The following MED9 variants were observed in gnomAD, a reference collection of about 807,000 sequenced individuals.
MED9 encodes mediator of RNA polymerase II transcription subunit 9.
A neutral mutation model predicts 13.2 loss-of-function variants in MED9; 8 were observed. The observed-to-expected ratio is 0.61, with a 90% CI of 0.36 to 1.10. The LOEUF is 1.10. Among genes scored for constraint, MED9 ranks in the 50% least tolerant of loss-of-function variants. MED9 has a pLI of 0.02. For missense variants in MED9, 180 were observed against 193.4 expected, an observed-to-expected ratio of 0.93 and a Z score of 0.41; for synonymous variants, 87 against 82.8, an observed-to-expected ratio of 1.05 and a Z score of -0.28.
In MED9 at chr17:17,483,596, C is replaced by T. The variant is rs893979404; in HGVS notation, c.224+6331C>T. 3.9e-5 allele frequency among the ~76,000 whole-genome samples: 6 copies of T among 152,202 alleles called. No homozygotes were observed. Among genetic ancestry groups the T allele is most frequent in the African/African-American group, 9.7e-5 (4 of 41,446 alleles). ...CTTTCATCTCTTCTAGTGTCTTTCC[C>T]GCAGTTGAATGAAAAATTAAACTAC... is the stretch of plus-strand genomic sequence containing the variant. On this transcript the variant is annotated intron_variant, in intron 1 of 1. Transcript: ENST00000268711. The surrounding 1 kb of genome is among the most constrained non-coding windows in gnomAD (Gnocchi z 4.2).
In MED9 at chr17:17,492,520, A is replaced by G. The variant is rs1905257880; in HGVS notation, c.*1025A>G. On this transcript the variant is annotated 3_prime_UTR_variant, in exon 2 of 2. Transcript: ENST00000268711. ...CATAAGCTAGGTCTGAAAGTTACACAGCCAAGTTTGAGCTCTTAAAAGTTG... is the reference window on the plus strand; with the variant it reads ...CATAAGCTAGGTCTGAAAGTTACACGGCCAAGTTTGAGCTCTTAAAAGTTG... The G allele has an allele frequency of 6.6e-6, 1 of 152,400 alleles. No individual in the cohort carries two copies. Among genetic ancestry groups the G allele is most frequent in the Admixed American group, 6.5e-5 (1 of 15,310 alleles). 9.4% of individuals were successfully genotyped at this position (152,400 alleles called of 1,614,324 possible). A position where few individuals can be genotyped will look rare whatever the true frequency, so the allele number is the denominator to read the frequency against.
Position 17,480,238 on chromosome 17 carries a change from AAG to A in MED9, c.224+2979_224+2980del, listed in dbSNP as rs1281295964. The stretch of plus-strand genomic sequence containing the variant: ...GGATTAAGAGAAAGTTCACAGTCTG[AAG>A]AGAGACACCACCCGAGCCTTCCCCC... On this transcript the variant is annotated intron_variant, in intron 1 of 1. Coordinates refer to ENST00000268711, the MANE Select transcript of MED9 (RefSeq NM_018019.3). Among the ~76,000 whole-genome samples the A allele has an allele frequency of 3.9e-5, 6 of 152,126 alleles. No individual in the cohort carries two copies. In the East Asian group the frequency reaches 1.2e-3, roughly 29 times the overall value.
At chr17:17,490,919 C>A (rs1655557408) in intron 1 of MED9, among the ~76,000 whole-genome samples, 1 of 152,228 alleles carries the variant, frequency 6.6e-6, no homozygotes, top group South Asian at 2.1e-4. Flanking sequence ...AGCATTCATT[C>A]TTTCCACGGA....
chr17:17,485,244 C>T (rs1004448483), intron 1 of MED9: 2 of 397,132 alleles, frequency 5.0e-6, no homozygotes, highest in African/African-American at 2.1e-5. Flanking sequence ...TCTACAGGCA[C>T]ACGCCACCAC....
rs551747279 is a variant in MED9, at chr17:17,485,388, G to A, written c.225-5891G>A. 1.9e-4 allele frequency: 76 copies of A among 398,474 alleles called. No homozygotes were observed. The Middle Eastern group carries it at 2.5e-3, about 13-fold the overall frequency. 24.7% of individuals were successfully genotyped at this position (398,474 alleles called of 1,614,324 possible). The stretch of plus-strand genomic sequence containing the variant: ...GCGTGAGCCACCGGCCGCCATCTGG[G>A]ATTTTTAAGCAGCATAGTGACCTGC... On this transcript the variant is annotated intron_variant, in intron 1 of 1. Transcript: ENST00000268711.
intron 1 of MED9, among the ~76,000 whole-genome samples, chr17:17,480,228 TCA>T (rs760129231): frequency 2.0e-5 from 3 of 151,926 alleles, no homozygotes; most frequent in Admixed American, 2.0e-4. Flanking sequence ...AAGAGAAAGT[TCA>T]CAGTCTGAAG....
chr17:17,485,619 T>C, intron 1 of MED9: 1 of 317,540 alleles, frequency 3.1e-6, no homozygotes, highest in Non-Finnish European at 5.7e-6. Context: ...GACTGCACCC[T>C]CCCCCCGTCC....
chr17:17,481,919 C>G (rs1289622283), intron 1 of MED9, among the ~76,000 whole-genome samples: 1 of 152,148 alleles, frequency 6.6e-6, no homozygotes, highest in Non-Finnish European at 1.5e-5. Context: ...TCCTTGTAGA[C>G]TAGACTGCTT....
chr17:17,477,370 C>A, intron 1 of MED9, 105 bp downstream of exon 1: 2 of 1,273,318 alleles, frequency 1.6e-6, no homozygotes, highest in Non-Finnish European at 1.1e-6. Flanking sequence ...GCCCCCGTTT[C>A]ACAGATGGGG....
rs1459005690 is a variant in MED9 at position 17,492,438 on chromosome 17, A to T, written c.*943A>T. The T allele has an allele frequency of 6.6e-6, 1 of 151,810 alleles. No homozygotes were observed. Among genetic ancestry groups the T allele is most frequent in the African/African-American group, 2.4e-5 (1 of 41,042 alleles). 9.4% of individuals were successfully genotyped at this position (151,810 alleles called of 1,614,324 possible). A position where few individuals can be genotyped will look rare whatever the true frequency, so the allele number is the denominator to read the frequency against. On this transcript the variant is annotated 3_prime_UTR_variant, in exon 2 of 2. Transcript: ENST00000268711. ...GTACTACACTGCAGAAGGGTTCAGT[A>T]TGCACCTTGTGTTGAGAGAGAGGCA...
chr17:17,485,595 G>C, intron 1 of MED9: 1 of 354,616 alleles, frequency 2.8e-6, no homozygotes. Flanking sequence ...GTGGCCAGTA[G>C]AGTGTGTAGG....
Position 17,491,354 on chromosome 17 carries a change from C to A in MED9, c.300C>A (p.Leu100=). The part of the protein sequence containing the change: ...LKSKFQEMRK[L]ISTMPGIHLS... ...GCAAGTTCCAGGAGATGCGCAAGCT[C>A]ATCAGCACCATGCCCGGCATCCACC... The change falls in exon 2 of 2, where the codon CTC becomes CTA. Residue 100 remains leucine (L), a synonymous_variant. Coordinates refer to ENST00000268711, the MANE Select transcript of MED9 (RefSeq NM_018019.3). 1.9e-6 allele frequency: 3 copies of A among 1,614,046 alleles called. No homozygotes were observed. Among genetic ancestry groups the A allele is most frequent in the Non-Finnish European group, 2.5e-6 (3 of 1,180,038 alleles).
At chr17:17,490,118 CTCA>C in intron 1 of MED9, among the ~76,000 whole-genome samples, 1 of 152,238 alleles carries the variant, frequency 6.6e-6, no homozygotes, top group Admixed American at 6.5e-5. Context: ...TTTTCAAAAG[CTCA>C]TCCACTTACT....
rs1459005690 is a variant in MED9 at position 17,492,438 on chromosome 17, A to G, written c.*943A>G. 6.6e-6 allele frequency: 1 copy of G among 151,810 alleles called. No individual in the cohort carries two copies. Among genetic ancestry groups the G allele is most frequent in the African/African-American group, 2.4e-5 (1 of 41,042 alleles). 9.4% of individuals were successfully genotyped at this position (151,810 alleles called of 1,614,324 possible). ...GTACTACACTGCAGAAGGGTTCAGT[A>G]TGCACCTTGTGTTGAGAGAGAGGCA... On this transcript the variant is annotated 3_prime_UTR_variant, in exon 2 of 2. Coordinates refer to ENST00000268711, the MANE Select transcript of MED9 (RefSeq NM_018019.3).
intron 1 of MED9, among the ~76,000 whole-genome samples, chr17:17,479,916 C>A (rs557730797): frequency 6.6e-6 from 1 of 152,268 alleles, no homozygotes; most frequent in South Asian, 2.1e-4. Context: ...TTAACCATGG[C>A]CTATCCCCAG....
intron 1 of MED9, among the ~76,000 whole-genome samples, chr17:17,482,434 G>A (rs549694240): frequency 1.1e-4 from 16 of 152,184 alleles, no homozygotes; most frequent in Admixed American, 9.2e-4. Flanking sequence ...CTTCATAGGC[G>A]ATTTTATATG....
chr17:17,489,439 T>C (rs1315650189), intron 1 of MED9, among the ~76,000 whole-genome samples: 1 of 152,222 alleles, frequency 6.6e-6, no homozygotes, highest in Non-Finnish European at 1.5e-5. Context: ...TTTAAGTACT[T>C]TTTTGTTTGT....
intron 1 of MED9, chr17:17,488,240 G>C (rs1905171181): frequency 6.6e-6 from 1 of 152,332 alleles, no homozygotes; most frequent in Non-Finnish European, 1.5e-5. Context: ...TTGTGAGGAA[G>C]AAGAAATGGG....
chr17:17,491,363 C>T lies in MED9; in HGVS notation c.309C>T (p.Thr103=), dbSNP rs1905223511. The change falls in exon 2 of 2, where the codon ACC becomes ACT. Residue 103 remains threonine, a synonymous_variant. Transcript: ENST00000268711. ...KFQEMRKLIS[T]MPGIHLSPEQ... is the part of the protein sequence containing the mutation. The stretch of plus-strand genomic sequence containing the variant: ...AGGAGATGCGCAAGCTCATCAGCAC[C>T]ATGCCCGGCATCCACCTGAGCCCCG... 9 of 1,613,912 alleles carry T rather than the reference C, an allele frequency of 5.6e-6. No individual in the cohort carries two copies. Among genetic ancestry groups the T allele is most frequent in the Non-Finnish European group, 5.9e-6 (7 of 1,180,046 alleles).
Sources: allele counts gnomAD v4.1 joint callset (sites outside exome capture counted in the v4.1 genomes callset), GRCh38; gene constraint gnomAD v4.1.1; non-coding constraint Gnocchi (gnomAD v3.1); transcripts MANE v1.5; gene names NCBI Gene and HGNC (gene_info 2026-07-23, HGNC 2026-07-21).